The following FAM227B variants were observed in gnomAD, a reference collection of about 807,000 sequenced individuals.
The protein encoded by FAM227B is protein FAM227B.
FAM227B carries 88 observed loss-of-function variants against 73.8 expected under a neutral mutation model. The observed-to-expected ratio is 1.19, with a 90% confidence interval of 1.00 to 1.42. The LOEUF is 1.42. Among genes scored for constraint, FAM227B ranks in the 40% most tolerant of loss-of-function variants. The pLI, the probability that FAM227B is intolerant of heterozygous loss-of-function variation, is 0.00. For missense variants in FAM227B, 632 were observed against 590.9 expected, an observed-to-expected ratio of 1.07 and a Z score of -0.72; for synonymous variants, 210 against 190.5, an observed-to-expected ratio of 1.10 and a Z score of -0.84.
chr15:49,539,224 A>G (rs2070712998), intron 10 of FAM227B, among the ~76,000 whole-genome samples: 1 of 152,182 alleles, frequency 6.6e-6, no homozygotes, highest in African/African-American at 2.4e-5. Context: ...TGAAAATTGC[A>G]GCATCCTCAG....
intron 8 of FAM227B, among the ~76,000 whole-genome samples, chr15:49,571,150 A>G (rs2075069980): frequency 6.6e-6 from 1 of 151,726 alleles, no homozygotes; most frequent in South Asian, 2.1e-4. Context: ...TGGAAACTTC[A>G]TACTATTTTC....
chr15:49,450,664 C>T (rs1250498362), intron 11 of FAM227B, among the ~76,000 whole-genome samples: 2 of 152,124 alleles, frequency 1.3e-5, no homozygotes, highest in Admixed American at 6.6e-5. Flanking sequence ...TTTCAGAGAA[C>T]AAAAACTTCC....
rs889850885 is a variant in FAM227B at position 49,406,845 on chromosome 15, C to T, written c.1013-35446G>A. On this transcript the variant is annotated intron_variant, in intron 11 of 15. Coordinates refer to ENST00000299338, the MANE Select transcript of FAM227B (RefSeq NM_152647.3). ...GTGGAGAGGGAGCAGGCAGAGCAGC[C>T]GGGCTGGCCATGGGGACTGCCCCAC... Among the ~76,000 whole-genome samples, 4 of 152,136 alleles carry T rather than the reference C, an allele frequency of 2.6e-5. No homozygotes were observed. In the East Asian group the frequency reaches 5.8e-4, roughly 22 times the overall value.
intron 10 of FAM227B, among the ~76,000 whole-genome samples, chr15:49,511,349 T>A (rs185043014): frequency 6.6e-6 from 1 of 151,806 alleles, no homozygotes; most frequent in Admixed American, 6.5e-5. Context: ...TTTTGAGACA[T>A]AGTATTTATT....
At chr15:49,431,949 G>C (rs1249956873) in intron 11 of FAM227B, among the ~76,000 whole-genome samples, 1 of 151,634 alleles carries the variant, frequency 6.6e-6, no homozygotes, top group Non-Finnish European at 1.5e-5. Context: ...ATAATACAGA[G>C]GGGTTGAAAT....
intron 11 of FAM227B, chr15:49,396,086 A>T (rs571234169): frequency 4.6e-6 from 2 of 435,166 alleles, no homozygotes; most frequent in Non-Finnish European, 9.2e-6. Context: ...CTGAGGTACC[A>T]GGTTCATCTC....
intron 14 of FAM227B, among the ~76,000 whole-genome samples, chr15:49,333,258 CCT>C (rs1195813131): frequency 6.6e-6 from 1 of 152,106 alleles, no homozygotes; most frequent in African/African-American, 2.4e-5. Context: ...ACTAATCCTC[CCT>C]CTTTCTGATT....
chr15:49,565,815 T>G (rs1034006424), intron 9 of FAM227B, among the ~76,000 whole-genome samples: 2 of 152,194 alleles, frequency 1.3e-5, no homozygotes, highest in Non-Finnish European at 1.5e-5. Context: ...GGGCTGTAAG[T>G]GTCCTTGTAA....
rs1428830174 is a variant in FAM227B, at chr15:49,563,196, C to G, written c.747+5049G>C. Among the ~76,000 whole-genome samples, 19 of 151,982 alleles carry G rather than the reference C, an allele frequency of 1.3e-4. 1 individual carries two copies. Among genetic ancestry groups the G allele is most frequent in the Admixed American group, 1.2e-3 (19 of 15,240 alleles). On this transcript the variant is annotated intron_variant, in intron 9 of 15. Coordinates refer to ENST00000299338, the MANE Select transcript of FAM227B (RefSeq NM_152647.3). ...AAAACTCAGTAGCATTTCTATACAC[C>G]TATAATGTTAAAGCTGAGAGCCAAA... is the stretch of plus-strand genomic sequence containing the variant.
chr15:49,328,712 T>A, intron 15 of FAM227B, 37 bp from the exon 16 acceptor site: 2 of 1,545,222 alleles, frequency 1.3e-6, no homozygotes, highest in South Asian at 2.4e-5. Flanking sequence ...TTCACAGATC[T>A]TCTTGGACAT....
chr15:49,354,611 C>T (rs918304822), intron 13 of FAM227B, among the ~76,000 whole-genome samples: 6 of 152,198 alleles, frequency 3.9e-5, no homozygotes, highest in Admixed American at 1.3e-4. Flanking sequence ...CACGGAGTCT[C>T]GCTGATTGCT....
chr15:49,336,372 G>T (rs2039715898), intron 13 of FAM227B, among the ~76,000 whole-genome samples: 1 of 152,166 alleles, frequency 6.6e-6, no homozygotes. Context: ...CTTTGAAGTG[G>T]CAATTGGCCA....
At chr15:49,421,142 G>A (rs189426103) in intron 11 of FAM227B, among the ~76,000 whole-genome samples, 5 of 152,270 alleles carry the variant, frequency 3.3e-5, no homozygotes, top group East Asian at 1.9e-4. Context: ...AGCAACAAAC[G>A]GTTGCCAATG....
intron 12 of FAM227B, among the ~76,000 whole-genome samples, chr15:49,369,047 C>T (rs900128587): frequency 6.6e-6 from 1 of 152,162 alleles, no homozygotes; most frequent in African/African-American, 2.4e-5. Flanking sequence ...CAAGCTCTGC[C>T]TCCCGGGTTC....
At chr15:49,458,720 T>A (rs2053535677) in intron 11 of FAM227B, among the ~76,000 whole-genome samples, 1 of 152,090 alleles carries the variant, frequency 6.6e-6, no homozygotes, top group Non-Finnish European at 1.5e-5. Flanking sequence ...CTAAAAGCAA[T>A]AGGATTAGTT....
At chr15:49,334,137 T>C (rs943508053) in intron 14 of FAM227B, 2 of 413,536 alleles carry the variant, frequency 4.8e-6, no homozygotes, top group African/African-American at 4.3e-5. Context: ...ACTAGAAAAC[T>C]TTTGCAGTTT....
At chr15:49,596,671 C>T (rs1202431278) in intron 3 of FAM227B, among the ~76,000 whole-genome samples, 2 of 151,832 alleles carry the variant, frequency 1.3e-5, no homozygotes, top group African/African-American at 4.8e-5. Context: ...TTAGAAGATA[C>T]AGAATGGCAG....
chr15:49,438,874 AAG>A (rs1385301939), intron 11 of FAM227B, among the ~76,000 whole-genome samples: 6 of 151,612 alleles, frequency 4.0e-5, no homozygotes, highest in Non-Finnish European at 8.9e-5. Flanking sequence ...AAGGAAAGAT[AAG>A]AGAGAGGGAG....
intron 11 of FAM227B, among the ~76,000 whole-genome samples, chr15:49,489,829 T>G (rs1567381673): frequency 3.0e-4 from 15 of 50,428 alleles, no homozygotes; most frequent in South Asian, 5.9e-4. Flanking sequence ...ATTTTATATA[T>G]ATATATATAT....
Sources: gnomAD v4.1 joint callset for allele counts (sites outside exome capture counted in the v4.1 genomes callset) on GRCh38, gnomAD v4.1.1 for gene constraint, MANE v1.5 for transcripts, NCBI Gene and HGNC (gene_info 2026-07-23, HGNC 2026-07-21) for gene names.